The following GPR39 variants were observed in gnomAD, a reference collection of about 807,000 sequenced individuals.
The protein encoded by GPR39 is zinc sensing receptor.
A neutral mutation model predicts 18.4 loss-of-function variants in GPR39; 23 were observed. The ratio of observed to expected loss-of-function variants is 1.25; its 90% confidence interval spans 0.90 to 1.77. GPR39 has a LOEUF of 1.77. Among genes scored for constraint, GPR39 ranks in the 40% most tolerant of loss-of-function variants. The pLI, the probability that GPR39 is intolerant of heterozygous loss-of-function variation, is 0.00. For synonymous variants in GPR39, 280 were observed against 257.9 expected (o/e 1.09, Z -0.82); for missense variants, 647 against 602.4 (o/e 1.07, Z -0.78).
intron 1 of GPR39, among the ~76,000 whole-genome samples, chr2:132,634,313 A>G (rs990821333): frequency 2.0e-5 from 3 of 152,088 alleles, no homozygotes; most frequent in African/African-American, 7.2e-5. Flanking sequence ...AGCTAGTGTT[A>G]TCTCCATTTG....
intron 1 of GPR39, among the ~76,000 whole-genome samples, chr2:132,560,300 C>G (rs1261721019): frequency 6.6e-6 from 1 of 152,144 alleles, no homozygotes; most frequent in Admixed American, 6.5e-5. Context: ...TTTTGCCTTT[C>G]CCACCTCTTT....
At chr2:132,495,890 T>C (rs368091403) in intron 1 of GPR39, among the ~76,000 whole-genome samples, 2 of 152,076 alleles carry the variant, frequency 1.3e-5, no homozygotes, top group Non-Finnish European at 2.9e-5. Flanking sequence ...TTTGCACTTC[T>C]TTAGTCCTTA....
intron 1 of GPR39, among the ~76,000 whole-genome samples, chr2:132,598,339 T>A (rs952816511): frequency 6.6e-6 from 1 of 151,722 alleles, no homozygotes; most frequent in African/African-American, 2.4e-5. Context: ...GGCTCTCAAT[T>A]TGAGTTGGAT....
At chr2:132,443,940 T>C (rs921217881) in intron 1 of GPR39, among the ~76,000 whole-genome samples, 1 of 152,090 alleles carries the variant, frequency 6.6e-6, no homozygotes, top group African/African-American at 2.4e-5. Context: ...GGTTTGGTGG[T>C]GGCATGCACC....
At chr2:132,492,248 C>CAT (rs762047821) in intron 1 of GPR39, among the ~76,000 whole-genome samples, 1 of 117,006 alleles carries the variant, frequency 8.5e-6, no homozygotes, top group East Asian at 8.2e-4. Context: ...ATATACATAC[C>CAT]ATATATACAC....
At chr2:132,497,147 GCT>G (rs953429442) in intron 1 of GPR39, among the ~76,000 whole-genome samples, 2 of 152,168 alleles carry the variant, frequency 1.3e-5, no homozygotes, top group African/African-American at 4.8e-5. Context: ...CAGGCGTGTG[GCT>G]CTCTGTGTAT....
intron 1 of GPR39, among the ~76,000 whole-genome samples, chr2:132,424,893 C>A (rs1680089922): frequency 6.6e-6 from 1 of 152,184 alleles, no homozygotes. Context: ...TTCTCCAAGT[C>A]TTGCTGCTGC....
At chr2:132,501,169 G>A (rs186322653) in intron 1 of GPR39, among the ~76,000 whole-genome samples, 2 of 150,440 alleles carry the variant, frequency 1.3e-5, no homozygotes, top group African/African-American at 2.4e-5. Flanking sequence ...AGTTCTGTGA[G>A]GTGTGACTTA....
At chr2:132,608,126 AAAAGTC>A (rs1558857157) in intron 1 of GPR39, among the ~76,000 whole-genome samples, 1 of 152,250 alleles carries the variant, frequency 6.6e-6, no homozygotes, top group Non-Finnish European at 1.5e-5. Context: ...CCAACTCTTA[AAAAGTC>A]ATTTGCTGAC....
At chr2:132,574,627 C>CA (rs1402564229) in intron 1 of GPR39, among the ~76,000 whole-genome samples, 1 of 152,124 alleles carries the variant, frequency 6.6e-6, no homozygotes, top group East Asian at 1.9e-4. Context: ...CCCAGCTACT[C>CA]AGGTGGCCAA....
At chr2:132,598,303 A>T (rs757364875) in intron 1 of GPR39, among the ~76,000 whole-genome samples, 4 of 152,104 alleles carry the variant, frequency 2.6e-5, no homozygotes, top group Non-Finnish European at 4.4e-5. Flanking sequence ...ACCAGTTTCA[A>T]CTGAGAGTAA....
chr2:132,639,628 A>G (rs1403284282), intron 1 of GPR39, among the ~76,000 whole-genome samples: 2 of 152,192 alleles, frequency 1.3e-5, no homozygotes, highest in African/African-American at 2.4e-5. Flanking sequence ...GAATGGGTAG[A>G]AGAGAGATGA....
chr2:132,437,811 C>A (rs1212776332), intron 1 of GPR39, among the ~76,000 whole-genome samples: 1 of 152,116 alleles, frequency 6.6e-6, no homozygotes. Flanking sequence ...AGGGGCAGGT[C>A]CCCCAGTGCT....
chr2:132,494,386 C>A (rs1178317530), intron 1 of GPR39, among the ~76,000 whole-genome samples: 1 of 152,158 alleles, frequency 6.6e-6, no homozygotes, highest in African/African-American at 2.4e-5. Flanking sequence ...TGAAGGCAGG[C>A]ATCTTTGCTG....
chr2:132,592,716 T>G (rs982922468), intron 1 of GPR39, among the ~76,000 whole-genome samples: 1 of 152,166 alleles, frequency 6.6e-6, no homozygotes, highest in Admixed American at 6.5e-5. Context: ...GACCTGTGGC[T>G]TAGACCAGGA....
intron 1 of GPR39, among the ~76,000 whole-genome samples, chr2:132,616,049 A>T (rs1681329630): frequency 6.6e-6 from 1 of 151,966 alleles, no homozygotes; most frequent in South Asian, 2.1e-4. Context: ...CCCTCCTGCA[A>T]ACCTTCCCTG....
At chr2:132,441,084 CTGTT>C (rs1216907263) in intron 1 of GPR39, among the ~76,000 whole-genome samples, 4 of 152,300 alleles carry the variant, frequency 2.6e-5, no homozygotes, top group African/African-American at 7.2e-5. Context: ...CCTCAAGTGA[CTGTT>C]TATTTTCTTT....
chr2:132,490,125 C>A (rs1681428349), intron 1 of GPR39, among the ~76,000 whole-genome samples: 1 of 151,826 alleles, frequency 6.6e-6, no homozygotes, highest in African/African-American at 2.4e-5. Flanking sequence ...GTCTTCCCTA[C>A]TAGTTGAAAG....
chr2:132,645,219 C>T lies in GPR39; in HGVS notation c.975C>T (p.Leu325=), dbSNP rs368969150. The T allele has an allele frequency of 1.5e-5, 24 of 1,614,080 alleles. No homozygotes were observed. The highest frequency in any genetic ancestry group is 2.2e-5 in the East Asian group (1 of 44,892). ...CCTACTTCCGGGCGTACATGATCCT[C>T]CTCCCCTTCTCGGAGACGTTTTTCT... is the stretch of plus-strand genomic sequence containing the variant. ...TRSYFRAYMI[L]LPFSETFFYL... The change falls in exon 2 of 2, where the codon CTC becomes CTT. Residue 325 remains leucine (L), a synonymous_variant. Transcript: ENST00000329321.
Sources: allele counts gnomAD v4.1 joint callset (sites outside exome capture counted in the v4.1 genomes callset), GRCh38; gene constraint gnomAD v4.1.1; transcripts MANE v1.5; gene names NCBI Gene and HGNC (gene_info 2026-07-23, HGNC 2026-07-21).